TRIM2: variants seen among roughly 807,000 people sequenced by gnomAD.
The protein encoded by TRIM2 is tripartite motif containing 2, also known as tripartite motif-containing protein 2.
In TRIM2, 20 loss-of-function variants were observed where a neutral mutation model predicts 75.2. The ratio of observed to expected loss-of-function variants is 0.27; its 90% CI spans 0.19 to 0.39. TRIM2 has a LOEUF of 0.39. Among genes scored for constraint, TRIM2 ranks in the 10% least tolerant of loss-of-function variants. The probability of loss-of-function intolerance (pLI) is 1.00; values close to 1 mark genes in which losing one functional copy is unlikely to be tolerated. For synonymous variants in TRIM2, 373 were observed against 388.3 expected, an observed-to-expected ratio of 0.96 and a Z score of 0.46; for missense variants, 660 against 990.8, an observed-to-expected ratio of 0.67 and a Z score of 4.48.
chr4:153,199,874 A>G (rs543975451), upstream of TRIM2, among the ~76,000 whole-genome samples: 4 of 151,858 alleles, frequency 2.6e-5, no homozygotes, highest in South Asian at 2.1e-4. Flanking sequence ...CCTGTTCTCA[A>G]GTGATCCTCC....
intron 1 of TRIM2, among the ~76,000 whole-genome samples, chr4:153,268,103 G>A (rs1249158279): frequency 6.6e-6 from 1 of 152,182 alleles, no homozygotes; most frequent in East Asian, 1.9e-4. Flanking sequence ...TGGGATCACG[G>A]AACTTGTTGA....
At chr4:153,266,158 GTTATT>G (rs1754995835) in intron 1 of TRIM2, among the ~76,000 whole-genome samples, 1 of 152,042 alleles carries the variant, frequency 6.6e-6, no homozygotes, top group Admixed American at 6.6e-5. Context: ...GGTTCTATAT[GTTATT>G]TTATTTTATT....
At chr4:153,227,424 ATCGGG>A (rs1742434552) in intron 1 of TRIM2, among the ~76,000 whole-genome samples, 1 of 152,188 alleles carries the variant, frequency 6.6e-6, no homozygotes, top group Admixed American at 6.5e-5. Context: ...AGAGGATGAG[ATCGGG>A]TCTCTTTAAT....
chr4:153,327,207 A>G (rs1022701012), intron 10 of TRIM2, among the ~76,000 whole-genome samples: 19 of 152,176 alleles, frequency 1.2e-4, no homozygotes, highest in Admixed American at 9.2e-4. Flanking sequence ...TTTCTAAAGA[A>G]CCACAAAGGT....
At chr4:153,232,909 C>T (rs1744035906) in intron 1 of TRIM2, among the ~76,000 whole-genome samples, 2 of 152,110 alleles carry the variant, frequency 1.3e-5, no homozygotes, top group Admixed American at 6.6e-5. Context: ...CAGGGGGAGA[C>T]TCAGAGCTGC....
rs576259788 is a variant in TRIM2, at chr4:153,304,875, A to G, written c.1510+8839A>G. On this transcript the variant is annotated intron_variant, in intron 6 of 11. Transcript: ENST00000338700. ...GAGAAGGCTTTGAATGGTGTAATGT[A>G]GTGTAGTGACTTACTAAGATATTTA... Among the ~76,000 whole-genome samples, 18 of 152,356 alleles carry G rather than the reference A, an allele frequency of 1.2e-4. No individual in the cohort carries two copies. In the South Asian group the frequency reaches 3.7e-3, roughly 32 times the overall value.
chr4:153,172,902 C>T (rs1421456425), intron 1 of TRIM2, among the ~76,000 whole-genome samples: 1 of 152,150 alleles, frequency 6.6e-6, no homozygotes, highest in East Asian at 1.9e-4. Context: ...GAGAAACAAG[C>T]ACACTGCATG....
chr4:153,288,352 G>A (rs543311071), intron 3 of TRIM2, among the ~76,000 whole-genome samples: 6 of 152,200 alleles, frequency 3.9e-5, no homozygotes, highest in Admixed American at 1.3e-4. Flanking sequence ...CAGGAGAATC[G>A]CTTGAACTTG....
intron 1 of TRIM2, among the ~76,000 whole-genome samples, chr4:153,243,932 C>T (rs1578873631): frequency 6.6e-6 from 1 of 151,866 alleles, no homozygotes; most frequent in African/African-American, 2.4e-5. Context: ...GACCCTCCTG[C>T]CTCAGCCTCC....
At chr4:153,302,065 G>A (rs1764026955) in intron 6 of TRIM2, among the ~76,000 whole-genome samples, 1 of 152,128 alleles carries the variant, frequency 6.6e-6, no homozygotes, top group Admixed American at 6.5e-5. Flanking sequence ...TCACTTGGGG[G>A]TATGGGCATT....
At chr4:153,175,342 G>A (rs1731314740) in intron 1 of TRIM2, among the ~76,000 whole-genome samples, 1 of 151,902 alleles carries the variant, frequency 6.6e-6, no homozygotes, top group Non-Finnish European at 1.5e-5. Context: ...GTTTTTTTCC[G>A]GCGTATTGAT....
intron 1 of TRIM2, among the ~76,000 whole-genome samples, chr4:153,157,544 A>G (rs960592534): frequency 4.6e-5 from 7 of 152,168 alleles, no homozygotes; most frequent in African/African-American, 1.7e-4. Flanking sequence ...ATCAGCCCCA[A>G]TTTTGAGTTG....
intron 1 of TRIM2, among the ~76,000 whole-genome samples, chr4:153,262,358 T>G (rs1753791604): frequency 1.3e-5 from 2 of 152,060 alleles, no homozygotes; most frequent in African/African-American, 4.8e-5. Flanking sequence ...GATGAAATCA[T>G]AGGAGGTCGA....
intron 1 of TRIM2, among the ~76,000 whole-genome samples, chr4:153,187,622 G>A (rs1732736109): frequency 6.6e-6 from 1 of 152,174 alleles, no homozygotes; most frequent in Non-Finnish European, 1.5e-5. Flanking sequence ...TTTTCAGTAG[G>A]CCAACCAGAC....
intron 1 of TRIM2, among the ~76,000 whole-genome samples, chr4:153,180,066 C>G (rs1411404949): frequency 6.6e-6 from 1 of 152,140 alleles, no homozygotes; most frequent in African/African-American, 2.4e-5. Flanking sequence ...GATATTTTCA[C>G]CTTCCATATG....
chr4:153,232,184 G>A (rs1423724398), intron 1 of TRIM2, among the ~76,000 whole-genome samples: 1 of 152,164 alleles, frequency 6.6e-6, no homozygotes, highest in East Asian at 1.9e-4. Flanking sequence ...TTTGGAGGGA[G>A]GGGGACACAA....
chr4:153,177,521 C>T (rs1731566454), intron 1 of TRIM2, among the ~76,000 whole-genome samples: 1 of 152,144 alleles, frequency 6.6e-6, no homozygotes, highest in South Asian at 2.1e-4. Context: ...TGGCACATGC[C>T]TGTAATCCCA....
chr4:153,282,816 T>A (rs1259137641), intron 3 of TRIM2, among the ~76,000 whole-genome samples: 1 of 151,906 alleles, frequency 6.6e-6, no homozygotes, highest in East Asian at 1.9e-4. Context: ...GACAAAAAAG[T>A]CTCACTCTGT....
chr4:153,292,552 A>G (rs1387794973), intron 3 of TRIM2, among the ~76,000 whole-genome samples: 5 of 152,156 alleles, frequency 3.3e-5, no homozygotes, highest in African/African-American at 4.8e-5. Context: ...TGGCCTCCCA[A>G]AGTGCTGGGA....
Sources: gnomAD v4.1 joint callset for allele counts (sites outside exome capture counted in the v4.1 genomes callset) on GRCh38, gnomAD v4.1.1 for gene constraint, MANE v1.5 for transcripts, NCBI Gene and HGNC (gene_info 2026-07-23, HGNC 2026-07-21) for gene names.